TTC28: variants seen among roughly 807,000 people sequenced by gnomAD.
TTC28 encodes tetratricopeptide repeat domain 28, also known as tetratricopeptide repeat protein 28.
In TTC28, 61 loss-of-function variants were observed where a neutral mutation model predicts 198.0. The ratio of observed to expected loss-of-function variants is 0.31; its 90% CI spans 0.25 to 0.38. The LOEUF (loss-of-function observed/expected upper bound fraction) is 0.38. Ranked by LOEUF, TTC28 falls within the 10% of genes least tolerant of loss-of-function variation. TTC28 has a pLI of 1.00. For missense variants in TTC28, 2,678 were observed against 3,164.0 expected (o/e 0.85, Z 3.69); for synonymous variants, 1,171 against 1,297.8 (o/e 0.90, Z 2.10).
At chr22:28,415,886 G>A (rs1428076428) in intron 2 of TTC28, among the ~76,000 whole-genome samples, 2 of 152,050 alleles carry the variant, frequency 1.3e-5, no homozygotes, top group Non-Finnish European at 2.9e-5. Flanking sequence ...ATTTAAAAAG[G>A]CCAAACTAGT....
At chr22:28,578,729 ATG>A (rs1383782433) in intron 2 of TTC28, among the ~76,000 whole-genome samples, 1 of 152,106 alleles carries the variant, frequency 6.6e-6, no homozygotes, top group Non-Finnish European at 1.5e-5. Flanking sequence ...TGGAGAGAAA[ATG>A]TGTTTTGGGG....
intron 2 of TTC28, among the ~76,000 whole-genome samples, chr22:28,312,509 GT>G (rs2145826213): frequency 6.6e-6 from 1 of 152,208 alleles, no homozygotes; most frequent in African/African-American, 2.4e-5. Flanking sequence ...ACAACAAACT[GT>G]CTCTCAGACC....
At chr22:28,484,619 G>T (rs1568973192) in intron 2 of TTC28, among the ~76,000 whole-genome samples, 2 of 151,990 alleles carry the variant, frequency 1.3e-5, no homozygotes, top group South Asian at 4.2e-4. Flanking sequence ...CTCATTCCCT[G>T]CTCCTCAGAT....
intron 2 of TTC28, among the ~76,000 whole-genome samples, chr22:28,567,043 C>T (rs1270029623): frequency 6.6e-6 from 1 of 151,980 alleles, no homozygotes; most frequent in Non-Finnish European, 1.5e-5. Context: ...GGCGAAATGC[C>T]ATCTCTACTA....
chr22:28,397,240 T>C (rs1429570970), intron 2 of TTC28, among the ~76,000 whole-genome samples: 2 of 152,222 alleles, frequency 1.3e-5, no homozygotes, highest in African/African-American at 4.8e-5. Flanking sequence ...CTTAGAGTTC[T>C]ATATAGCCCT....
At chr22:28,219,990 CAG>C (rs1476147176) in intron 5 of TTC28, among the ~76,000 whole-genome samples, 2 of 152,300 alleles carry the variant, frequency 1.3e-5, no homozygotes, top group East Asian at 3.9e-4. Context: ...TTACACTCAA[CAG>C]AGTCTCTGTG....
Position 28,163,107 on chromosome 22 carries a change from C to A in TTC28, c.1426G>T (p.Ala476Ser). ...CTGTTCTTACCTAGATTGGAGGATG[C>A]TCGCCCCTCTGCAGCCCGGTCCTTG... is the stretch of plus-strand genomic sequence containing the variant. The part of the protein sequence containing the change: ...DLKDRAAEGR[A>S]SSNLGIIHQM... Residue 476 changes from alanine to serine, a missense_variant, in exon 6 of 23, where the codon GCA (alanine) becomes TCA (serine). Ala to Ser is a moderately conservative substitution (Grantham distance 99, BLOSUM62 1). Around this residue, in one of 8 missense-constraint regions of TTC28, gnomAD observed 775 missense variants for 845.9 expected, o/e 0.92. Transcript: ENST00000397906. 6.5e-7 allele frequency: 1 copy of A among 1,549,518 alleles called. No individual in the cohort carries two copies. The highest frequency in any genetic ancestry group is 8.7e-7 in the Non-Finnish European group (1 of 1,145,928).
chr22:28,401,500 C>T (rs1174660665), intron 2 of TTC28, among the ~76,000 whole-genome samples: 2 of 152,088 alleles, frequency 1.3e-5, no homozygotes, highest in Non-Finnish European at 2.9e-5. Context: ...CCTGTAATTC[C>T]AGCTACTCAG....
chr22:28,301,140 G>T (rs1212222499), intron 3 of TTC28, among the ~76,000 whole-genome samples: 1 of 152,160 alleles, frequency 6.6e-6, no homozygotes, highest in Non-Finnish European at 1.5e-5. Flanking sequence ...AAAAGCTCTA[G>T]ATATACAAGT....
chr22:28,236,625 G>T (rs1896131454), intron 5 of TTC28, among the ~76,000 whole-genome samples: 1 of 152,206 alleles, frequency 6.6e-6, no homozygotes, highest in Admixed American at 6.5e-5. Flanking sequence ...TGATGCCATT[G>T]TACAACAGTA....
chr22:28,244,497 A>C (rs1421033552), intron 5 of TTC28, among the ~76,000 whole-genome samples: 3 of 152,208 alleles, frequency 2.0e-5, no homozygotes, highest in Admixed American at 6.5e-5. Context: ...TCAAGAAAAC[A>C]CACTGCTATA....
chr22:28,028,967 C>T (rs771314377), intron 13 of TTC28: 5 of 470,958 alleles, frequency 1.1e-5, no homozygotes, highest in Non-Finnish European at 2.2e-5. Flanking sequence ...CCAGAGGCTG[C>T]ACTCTGAGCT....
intron 5 of TTC28, among the ~76,000 whole-genome samples, chr22:28,245,002 A>C (rs1929974562): frequency 6.6e-6 from 1 of 152,198 alleles, no homozygotes. Flanking sequence ...TTCAAGTAGA[A>C]ACATTATGTA....
intron 2 of TTC28, among the ~76,000 whole-genome samples, chr22:28,362,336 A>T (rs2046172461): frequency 2.6e-5 from 4 of 152,058 alleles, no homozygotes; most frequent in African/African-American, 9.7e-5. Flanking sequence ...GTAAGATGTG[A>T]CTTGCTCCTC....
rs757938106 is a variant in TTC28, at chr22:28,105,448, A to G, written c.3138T>C (p.Thr1046=). Residue 1046 remains threonine, a synonymous_variant, in exon 8 of 23, where the codon ACT becomes ACC. Coordinates refer to ENST00000397906, the MANE Select transcript of TTC28 (RefSeq NM_001145418.2). ...QGRAYGNLGL[T]YESLGTFERA... The stretch of plus-strand genomic sequence containing the variant: ...TCTCGAAGGTGCCCAGGGATTCATA[A>G]GTCAGGCCCAGGTTCCCATAGGCTC... The G allele has an allele frequency of 1.9e-6, 3 of 1,551,670 alleles. No homozygotes were observed. The highest frequency in any genetic ancestry group is 2.6e-6 in the Non-Finnish European group (3 of 1,146,986).
intron 2 of TTC28, among the ~76,000 whole-genome samples, chr22:28,531,801 G>C (rs1409537008): frequency 6.6e-6 from 1 of 152,198 alleles, no homozygotes; most frequent in African/African-American, 2.4e-5. Context: ...ACCTGCTCCT[G>C]AATGACTACT....
At chr22:28,637,322 A>G (rs1221525340) in intron 1 of TTC28, among the ~76,000 whole-genome samples, 2 of 152,112 alleles carry the variant, frequency 1.3e-5, no homozygotes, top group Non-Finnish European at 2.9e-5. Flanking sequence ...ACGTTTAAGT[A>G]TTTAATCTAT....
At chr22:27,996,009 T>G in intron 17 of TTC28, 126 bp downstream of exon 17, 1 of 1,399,264 alleles carries the variant, frequency 7.1e-7, no homozygotes, top group Admixed American at 2.4e-5. Flanking sequence ...AGTGCCATCC[T>G]GGACACGGCC....
At chr22:28,407,031 C>T (rs1431536232) in intron 2 of TTC28, among the ~76,000 whole-genome samples, 1 of 152,050 alleles carries the variant, frequency 6.6e-6, no homozygotes, top group African/African-American at 2.4e-5. Context: ...TGTTGAAAAG[C>T]AGTAATTATA....
Sources: allele counts gnomAD v4.1 joint callset (sites outside exome capture counted in the v4.1 genomes callset), GRCh38; gene constraint gnomAD v4.1.1; regional missense constraint gnomAD v4.1.1; transcripts MANE v1.5; gene names NCBI Gene and HGNC (gene_info 2026-07-23, HGNC 2026-07-21).